NAV2: variants seen among roughly 807,000 people sequenced by gnomAD.
NAV2 encodes the protein helicase, APC down-regulated 1.
Under a neutral mutation model 223.2 loss-of-function variants are expected in NAV2, and 54 were observed. The observed-to-expected ratio is 0.24, with a 90% CI of 0.19 to 0.30. The LOEUF (loss-of-function observed/expected upper bound fraction) is 0.30, where lower values mean the gene tolerates loss of function less well. Ranked by LOEUF, NAV2 falls within the 10% of genes least tolerant of loss-of-function variation. The pLI, the probability that NAV2 is intolerant of heterozygous loss-of-function variation, is 1.00. For missense variants in NAV2, 2,806 were observed against 3,147.5 expected, an observed-to-expected ratio of 0.89 and a Z score of 2.60; for synonymous variants, 1,279 against 1,239.3, an observed-to-expected ratio of 1.03 and a Z score of -0.67.
At chr11:19,887,830 G>A (rs1341963484) in intron 5 of NAV2, among the ~76,000 whole-genome samples, 1 of 152,072 alleles carries the variant, frequency 6.6e-6, no homozygotes, top group African/African-American at 2.4e-5. Context: ...CTGGCAAAAA[G>A]CATCTCTGAT....
At chr11:19,372,899 C>T (rs1424656666) in intron 1 of NAV2, among the ~76,000 whole-genome samples, 1 of 152,152 alleles carries the variant, frequency 6.6e-6, no homozygotes, top group South Asian at 2.1e-4. Flanking sequence ...TTCTTTTTAT[C>T]CAGATGGGAG....
At chr11:20,001,974 G>A (rs913360408) in intron 11 of NAV2, among the ~76,000 whole-genome samples, 18 of 152,184 alleles carry the variant, frequency 1.2e-4, no homozygotes, top group African/African-American at 4.1e-4. Context: ...ATAAGCAACA[G>A]GCACTTCTTT....
At chr11:19,577,392 T>C (rs1463226328) in intron 1 of NAV2, among the ~76,000 whole-genome samples, 1 of 152,178 alleles carries the variant, frequency 6.6e-6, no homozygotes, top group African/African-American at 2.4e-5. Flanking sequence ...CTGGGTGAAA[T>C]ACCACAAGGG....
intron 1 of NAV2, among the ~76,000 whole-genome samples, chr11:19,777,174 G>T (rs1244199586): frequency 1.3e-5 from 2 of 151,060 alleles, no homozygotes; most frequent in Non-Finnish European, 3.0e-5. Flanking sequence ...GACACAGGGC[G>T]AGTTGTTTGA....
chr11:19,385,265 T>G (rs1265201636), intron 1 of NAV2, among the ~76,000 whole-genome samples: 1 of 150,592 alleles, frequency 6.6e-6, no homozygotes, highest in East Asian at 2.0e-4. Flanking sequence ...TATGTTAAAC[T>G]CTGTTCAAAA....
At chr11:19,472,837 C>G (rs1229145715) in intron 1 of NAV2, among the ~76,000 whole-genome samples, 1 of 152,194 alleles carries the variant, frequency 6.6e-6, no homozygotes, top group Non-Finnish European at 1.5e-5. Context: ...CAGAGGCAGC[C>G]AAGCCTGGTG....
At chr11:20,017,124 T>A (rs2054080076) in intron 11 of NAV2, among the ~76,000 whole-genome samples, 1 of 152,148 alleles carries the variant, frequency 6.6e-6, no homozygotes, top group African/African-American at 2.4e-5. Flanking sequence ...GGAAAAGGAA[T>A]GGGGGAGATG....
At chr11:19,349,339 C>A (rs1341098652), upstream of NAV2, among the ~76,000 whole-genome samples, 1 of 152,202 alleles carries the variant, frequency 6.6e-6, no homozygotes, top group Non-Finnish European at 1.5e-5. Flanking sequence ...TCCTCCTCCT[C>A]CTCCCCCCTC....
intron 1 of NAV2, among the ~76,000 whole-genome samples, chr11:19,751,080 C>A (rs1463974131): frequency 1.3e-5 from 2 of 152,172 alleles, no homozygotes; most frequent in African/African-American, 4.8e-5. Context: ...TAGACTATAG[C>A]AAGAGTATTT....
At chr11:19,843,777 G>C (rs1189028359) in intron 3 of NAV2, among the ~76,000 whole-genome samples, 1 of 137,148 alleles carries the variant, frequency 7.3e-6, no homozygotes, top group African/African-American at 2.7e-5. Context: ...AAAAAAAAAA[G>C]CTTAATTTGC....
intron 11 of NAV2, among the ~76,000 whole-genome samples, chr11:20,001,062 C>G (rs1212525665): frequency 3.3e-5 from 5 of 152,172 alleles, no homozygotes; most frequent in Non-Finnish European, 7.3e-5. Context: ...CCAGCCTTGG[C>G]CCCTGCTATC....
intron 1 of NAV2, among the ~76,000 whole-genome samples, chr11:19,421,994 G>GA (rs1489800318): frequency 1.3e-5 from 2 of 152,064 alleles, no homozygotes; most frequent in Non-Finnish European, 2.9e-5. Flanking sequence ...TACCTGTAAC[G>GA]AAAAGCTTTA....
At chr11:19,379,262 T>C (rs1848752065) in intron 1 of NAV2, among the ~76,000 whole-genome samples, 1 of 152,060 alleles carries the variant, frequency 6.6e-6, no homozygotes, top group Non-Finnish European at 1.5e-5. Context: ...CCCTGGTGAC[T>C]GGGCGTGGGG....
intron 1 of NAV2, among the ~76,000 whole-genome samples, chr11:19,373,511 A>G (rs1345526680): frequency 6.6e-6 from 1 of 152,134 alleles, no homozygotes; most frequent in Non-Finnish European, 1.5e-5. Context: ...TCATGGCTGT[A>G]TCACTCTTCC....
intron 1 of NAV2, among the ~76,000 whole-genome samples, chr11:19,512,278 T>C (rs1057045716): frequency 2.6e-5 from 4 of 152,170 alleles, no homozygotes; most frequent in African/African-American, 9.7e-5. Flanking sequence ...GCATGGGCTG[T>C]AAAGTGAAAC....
chr11:19,964,966 C>T (rs984913260), intron 10 of NAV2, among the ~76,000 whole-genome samples: 3 of 151,906 alleles, frequency 2.0e-5, no homozygotes, highest in Admixed American at 6.6e-5. Flanking sequence ...ATTACAGGTG[C>T]GTGCCACCAC....
intron 1 of NAV2, among the ~76,000 whole-genome samples, chr11:19,654,504 A>G (rs1175176561): frequency 6.6e-6 from 1 of 152,200 alleles, no homozygotes; most frequent in Non-Finnish European, 1.5e-5. Context: ...CTACAAGGCT[A>G]CAGTAACCAA....
At chr11:19,351,186 G>A (rs1213103868) in intron 1 of NAV2, among the ~76,000 whole-genome samples, 1 of 152,162 alleles carries the variant, frequency 6.6e-6, no homozygotes, top group Non-Finnish European at 1.5e-5. Context: ...GATGCTGGGT[G>A]TCTTGACTTA....
chr11:19,910,905 A>G (rs1217595373), intron 6 of NAV2, among the ~76,000 whole-genome samples: 1 of 152,124 alleles, frequency 6.6e-6, no homozygotes, highest in Non-Finnish European at 1.5e-5. Flanking sequence ...ATGTAAAAAT[A>G]TCATGATAAT....
Sources: gnomAD v4.1 joint callset for allele counts (sites outside exome capture counted in the v4.1 genomes callset) on GRCh38, gnomAD v4.1.1 for gene constraint, MANE v1.5 for transcripts, NCBI Gene and HGNC (gene_info 2026-07-23, HGNC 2026-07-21) for gene names.